NCAM2: variants seen among roughly 807,000 people sequenced by gnomAD.
NCAM2 encodes the protein neural cell adhesion molecule 2, also known as N-CAM-2.
A neutral mutation model predicts 98.1 loss-of-function variants in NCAM2; 30 were observed. The observed-to-expected ratio is 0.31, with a 90% CI of 0.23 to 0.41. The LOEUF (loss-of-function observed/expected upper bound fraction) is 0.41. Ranked by LOEUF, NCAM2 falls within the 10% of genes least tolerant of loss-of-function variation. NCAM2 has a pLI of 1.00. For synonymous variants in NCAM2, 368 were observed against 342.4 expected (o/e 1.07, Z -0.83); for missense variants, 867 against 1,005.8 (o/e 0.86, Z 1.87).
rs182238995 is a variant in NCAM2 at position 21,410,386 on chromosome 21, A to G, written c.1308A>G (p.Arg436=). Residue 436 remains arginine (R), a synonymous_variant, in exon 10 of 18, where the codon AGA becomes AGG. Coordinates refer to ENST00000400546, the MANE Select transcript of NCAM2 (RefSeq NM_004540.5). The part of the protein sequence containing the change: ...SNPPASIHWR[R]DKLVLPAKNT... ...CACCAGCATCAATTCACTGGAGAAG[A>G]GATAAATTAGTCTTACCTGCTAAAA... 2.9e-4 allele frequency: 462 copies of G among 1,601,806 alleles called. No individual in the cohort carries two copies. The highest frequency in any genetic ancestry group is 3.8e-4 in the Non-Finnish European group (449 of 1,172,940).
intron 1 of NCAM2, among the ~76,000 whole-genome samples, chr21:21,220,113 T>C (rs2070081232): frequency 6.6e-6 from 1 of 152,060 alleles, no homozygotes; most frequent in Non-Finnish European, 1.5e-5. Context: ...AAAGCTAAAT[T>C]ACAATTAAAA....
intron 1 of NCAM2, among the ~76,000 whole-genome samples, chr21:21,093,526 A>T (rs1304446803): frequency 6.6e-6 from 1 of 152,038 alleles, no homozygotes; most frequent in African/African-American, 2.4e-5. Context: ...TGTTAAAGAA[A>T]ATTGTCTTTG....
chr21:21,265,213 TAG>T (rs1491049108), intron 1 of NCAM2, among the ~76,000 whole-genome samples: 1 of 121,524 alleles, frequency 8.2e-6, no homozygotes, highest in African/African-American at 3.2e-5. Flanking sequence ...TGTGTGTATA[TAG>T]TATATTATAT....
chr21:21,268,383 G>C (rs1000791141), intron 1 of NCAM2, among the ~76,000 whole-genome samples: 2 of 152,134 alleles, frequency 1.3e-5, no homozygotes, highest in Admixed American at 1.3e-4. Flanking sequence ...CCAACAACAT[G>C]ACACTGCTTC....
At chr21:21,227,812 A>G (rs1812084384) in intron 1 of NCAM2, among the ~76,000 whole-genome samples, 1 of 151,894 alleles carries the variant, frequency 6.6e-6, no homozygotes, top group Non-Finnish European at 1.5e-5. Flanking sequence ...CCTACAAGTT[A>G]GAAAAGAAGT....
At chr21:21,295,956 T>C (rs895747581) in intron 5 of NCAM2, among the ~76,000 whole-genome samples, 1 of 151,870 alleles carries the variant, frequency 6.6e-6, no homozygotes, top group African/African-American at 2.4e-5. Context: ...TGATCATTTA[T>C]GACAAATTTT....
intron 15 of NCAM2, among the ~76,000 whole-genome samples, chr21:21,505,813 T>G (rs1053259216): frequency 3.9e-5 from 6 of 152,100 alleles, no homozygotes; most frequent in African/African-American, 1.4e-4. Context: ...TACTTTGTAC[T>G]GGGCAATAAG....
intron 1 of NCAM2, among the ~76,000 whole-genome samples, chr21:21,006,840 CTG>C (rs2064121674): frequency 6.6e-6 from 1 of 152,260 alleles, no homozygotes; most frequent in East Asian, 1.9e-4. Context: ...AAAGGCTACA[CTG>C]TGGATCATAG....
intron 1 of NCAM2, among the ~76,000 whole-genome samples, chr21:21,202,568 C>T (rs1407642968): frequency 6.6e-6 from 1 of 151,836 alleles, no homozygotes; most frequent in Non-Finnish European, 1.5e-5. Context: ...AGGCATGTGC[C>T]ACCATGCCTG....
chr21:21,369,219 A>G (rs533268481), intron 8 of NCAM2, among the ~76,000 whole-genome samples: 34 of 151,996 alleles, frequency 2.2e-4, no homozygotes, highest in African/African-American at 7.9e-4. Flanking sequence ...GAATTATTCA[A>G]TACTAGTCCT....
chr21:21,188,669 C>T (rs549485046), intron 1 of NCAM2, among the ~76,000 whole-genome samples: 1 of 152,128 alleles, frequency 6.6e-6, no homozygotes, highest in Non-Finnish European at 1.5e-5. Flanking sequence ...AGCAGATACT[C>T]AAATGTGTGT....
intron 12 of NCAM2, among the ~76,000 whole-genome samples, chr21:21,457,947 T>C (rs1350950991): frequency 2.6e-5 from 4 of 152,172 alleles, no homozygotes; most frequent in African/African-American, 9.7e-5. Context: ...ATATAGAGAT[T>C]GATTAGCATG....
chr21:21,497,728 G>C (rs947974757), intron 15 of NCAM2, among the ~76,000 whole-genome samples: 1 of 152,022 alleles, frequency 6.6e-6, no homozygotes, highest in Non-Finnish European at 1.5e-5. Flanking sequence ...TAAAGAATAA[G>C]CATTCTGGGA....
chr21:21,004,285 C>T (rs1451115743), intron 1 of NCAM2, among the ~76,000 whole-genome samples: 2 of 152,294 alleles, frequency 1.3e-5, no homozygotes, highest in East Asian at 1.9e-4. Flanking sequence ...CACCTTCTAA[C>T]AGTACCGACC....
At chr21:21,366,700 T>C (rs2075795063) in intron 8 of NCAM2, among the ~76,000 whole-genome samples, 1 of 152,028 alleles carries the variant, frequency 6.6e-6, no homozygotes, top group South Asian at 2.1e-4. Flanking sequence ...AAAATTTCCA[T>C]GATAAAATAC....
chr21:21,520,400 T>A (rs1284931368), intron 16 of NCAM2, among the ~76,000 whole-genome samples: 1 of 152,112 alleles, frequency 6.6e-6, no homozygotes, highest in East Asian at 1.9e-4. Context: ...ATTAACTAGC[T>A]CGTGTGTGTC....
chr21:21,446,638 A>G (rs573461913), intron 12 of NCAM2, among the ~76,000 whole-genome samples: 3 of 152,112 alleles, frequency 2.0e-5, no homozygotes, highest in Non-Finnish European at 2.9e-5. Flanking sequence ...CTATGATTCT[A>G]TATTTGGAAA....
intron 1 of NCAM2, among the ~76,000 whole-genome samples, chr21:21,265,253 A>G (rs2072186854): frequency 7.7e-6 from 1 of 129,148 alleles, no homozygotes; most frequent in Non-Finnish European, 1.6e-5. Context: ...ATGTGTATAT[A>G]TACGTATATA....
In NCAM2 at chr21:21,410,368, A is replaced by G. The variant is rs755228825; in HGVS notation, c.1290A>G (p.Ala430=). 3.1e-6 allele frequency: 5 copies of G among 1,602,152 alleles called. No homozygotes were observed. The highest frequency in any genetic ancestry group is 4.3e-6 in the Non-Finnish European group (5 of 1,172,498). Residue 430 remains alanine, a synonymous_variant, in exon 10 of 18, where the codon GCA becomes GCG. Coordinates refer to ENST00000400546, the MANE Select transcript of NCAM2 (RefSeq NM_004540.5). ...ISCDVKSNPP[A]SIHWRRDKLV... The stretch of plus-strand genomic sequence containing the variant: ...GTGATGTGAAATCGAATCCACCAGC[A>G]TCAATTCACTGGAGAAGAGATAAAT...
Sources: allele counts gnomAD v4.1 joint callset (sites outside exome capture counted in the v4.1 genomes callset), GRCh38; gene constraint gnomAD v4.1.1; transcripts MANE v1.5; gene names NCBI Gene and HGNC (gene_info 2026-07-23, HGNC 2026-07-21).